Variants in DSCAML1 observed in about 807,000 individuals in gnomAD.
DSCAML1 encodes the protein DS cell adhesion molecule like 1.
DSCAML1 carries 38 observed loss-of-function variants against 200.5 expected under a neutral mutation model. That is an observed-to-expected ratio of 0.19 (90% CI 0.15 to 0.25). The LOEUF (loss-of-function observed/expected upper bound fraction) is 0.25. Among genes scored for constraint, DSCAML1 ranks in the 10% least tolerant of loss-of-function variants. The pLI is 1.00. For missense variants in DSCAML1, 2,223 were observed against 2,858.8 expected (o/e 0.78, Z 5.07); for synonymous variants, 1,215 against 1,165.0 (o/e 1.04, Z -0.87).
At chr11:117,526,214 C>T (rs1307024035) in intron 4 of DSCAML1, among the ~76,000 whole-genome samples, 1 of 152,142 alleles carries the variant, frequency 6.6e-6, no homozygotes, top group Admixed American at 6.5e-5. Context: ...GGATGCCCCT[C>T]ACCTACACAA....
Position 117,597,190 on chromosome 11 carries a change from A to G in DSCAML1, c.512-64668T>C, listed in dbSNP as rs2051377367. 2.0e-5 allele frequency among the ~76,000 whole-genome samples: 3 copies of G among 152,242 alleles called. No homozygotes were observed. In the South Asian group the frequency reaches 6.2e-4, roughly 32 times the overall value. ...ATTACAAATAACAAAATGTTATTAT[A>G]TGGAAATTAGTTTCCACACAACAGC... On this transcript the variant is annotated intron_variant, in intron 3 of 32. Transcript: ENST00000651296.
intron 3 of DSCAML1, among the ~76,000 whole-genome samples, chr11:117,718,296 C>T (rs890894094): frequency 6.6e-6 from 1 of 152,178 alleles, no homozygotes; most frequent in Non-Finnish European, 1.5e-5. Flanking sequence ...TGCTGGGAAC[C>T]GGCAGGGCTC....
At position 117,517,987 on chromosome 11, in the gene DSCAML1, G is replaced by T. The variant is rs1313373017; in HGVS notation, c.1510+479C>A. Among the ~76,000 whole-genome samples the T allele has an allele frequency of 2.0e-5, 3 of 152,348 alleles. No homozygotes were observed. The East Asian group carries it at 5.8e-4, about 29-fold the overall frequency. ...CTCCTGGTTGCTTATACCTCCTGGAGCATTTTGGGGGCTGGCTCAGTGGGA... is the reference window on the plus strand; with the variant it reads ...CTCCTGGTTGCTTATACCTCCTGGATCATTTTGGGGGCTGGCTCAGTGGGA... On this transcript the variant is annotated intron_variant, in intron 7 of 32. Transcript: ENST00000651296.
rs917972915 is a variant in DSCAML1, at chr11:117,480,241, A to G, written c.2785+202T>C. On this transcript the variant is annotated intron_variant, in intron 14 of 32. Coordinates refer to ENST00000651296, the MANE Select transcript of DSCAML1 (RefSeq NM_020693.4). The surrounding 1 kb of genome is among the most constrained non-coding windows in gnomAD (Gnocchi z 4.1). Reference sequence around the variant, plus strand: ...CACTACCCATCAACTGGGGGTCTCCATCTTCCACCCGGACTCCTAGCCCGG... The same window carrying G: ...CACTACCCATCAACTGGGGGTCTCCGTCTTCCACCCGGACTCCTAGCCCGG... Among the ~76,000 whole-genome samples, 5 of 152,194 alleles carry G rather than the reference A, an allele frequency of 3.3e-5. No individual in the cohort carries two copies. The highest frequency in any genetic ancestry group is 1.9e-4 in the East Asian group (1 of 5,180).
At chr11:117,596,376 A>G (rs2051361088) in intron 3 of DSCAML1, among the ~76,000 whole-genome samples, 1 of 138,590 alleles carries the variant, frequency 7.2e-6, no homozygotes, top group Admixed American at 7.2e-5. Flanking sequence ...AGAACATGCC[A>G]TTCTTCTCAG....
intron 3 of DSCAML1, among the ~76,000 whole-genome samples, chr11:117,683,026 C>A (rs1420991552): frequency 6.6e-6 from 1 of 152,234 alleles, no homozygotes; most frequent in African/African-American, 2.4e-5. Flanking sequence ...CCTTTCCTGG[C>A]CAGTTTCACT....
At chr11:117,551,953 C>G (rs767553932) in intron 3 of DSCAML1, among the ~76,000 whole-genome samples, 11 of 149,622 alleles carry the variant, frequency 7.4e-5, no homozygotes, top group Non-Finnish European at 1.6e-4. Flanking sequence ...ATCTCCGTGG[C>G]TAATCCTGTT....
intron 3 of DSCAML1, among the ~76,000 whole-genome samples, chr11:117,757,621 A>T (rs1340037678): frequency 1.5e-5 from 2 of 135,112 alleles, no homozygotes; most frequent in East Asian, 4.3e-4. Flanking sequence ...CACACACACA[A>T]TTATTTTTCC....
chr11:117,559,006 T>G (rs1425668618), intron 3 of DSCAML1, among the ~76,000 whole-genome samples: 1 of 152,142 alleles, frequency 6.6e-6, no homozygotes, highest in Non-Finnish European at 1.5e-5. Flanking sequence ...AACTTTTGGC[T>G]TTCTCCCTTT....
At chr11:117,817,486 C>T (rs974679778) in exon 1 of DSCAML1, 2 of 152,200 alleles carry the variant, frequency 1.3e-5, no homozygotes, top group Admixed American at 6.5e-5. Context: ...AGACTCACGG[C>T]AGCTGGGGTT....
At chr11:117,796,381 G>C (rs1170185665) in intron 1 of DSCAML1, among the ~76,000 whole-genome samples, 1 of 152,204 alleles carries the variant, frequency 6.6e-6, no homozygotes, top group Non-Finnish European at 1.5e-5. Flanking sequence ...CCAAGCCGGG[G>C]CTAAAGCCGG....
intron 27 of DSCAML1, 144 bp downstream of exon 27, chr11:117,435,500 A>C (rs2047896082): frequency 1.0e-6 from 1 of 965,112 alleles, no homozygotes; most frequent in Admixed American, 2.9e-5. Flanking sequence ...AGGAGGTTTC[A>C]GAAAGTCTGA....
Position 117,780,555 on chromosome 11 carries a change from T to C in DSCAML1, c.302A>G (p.Tyr101Cys). 6.5e-7 allele frequency: 1 copy of C among 1,539,130 alleles called. No homozygotes were observed. The highest frequency in any genetic ancestry group is 8.8e-7 in the Non-Finnish European group (1 of 1,139,468). ...GGCAGCGTTCTCCGCGGTGCAGAAGTAGTCATTGTCGTGGATAAAGCTATT... is the reference window on the plus strand; with the variant it reads ...GGCAGCGTTCTCCGCGGTGCAGAAGCAGTCATTGTCGTGGATAAAGCTATT... ...AFNSFIHDNDYFCTAENAAGK... is the reference protein window; with the variant it reads ...AFNSFIHDNDCFCTAENAAGK... Residue 101 changes from tyrosine (Y) to cysteine (C), a missense_variant, in exon 2 of 33, where the codon TAC becomes TGC. Coordinates refer to ENST00000651296, the MANE Select transcript of DSCAML1 (RefSeq NM_020693.4). The surrounding 1 kb of genome is among the most constrained non-coding windows in gnomAD (Gnocchi z 4.8).
At chr11:117,606,367 G>A (rs373938872) in intron 3 of DSCAML1, among the ~76,000 whole-genome samples, 9 of 152,164 alleles carry the variant, frequency 5.9e-5, no homozygotes, top group Non-Finnish European at 2.9e-5. Context: ...AAACTCCCCC[G>A]CTGTGAGAGT....
Position 117,505,870 on chromosome 11 carries a change from C to T in DSCAML1, c.1784-138G>A. ...CCTGGGGCACTGCAGCCTTGTTCTC[C>T]TATGCATGCAGGGTCTCCTAATGAT... On this transcript the variant is annotated intron_variant, in intron 8 of 32. Transcript: ENST00000651296. This position sits in a 1 kb window ranked among gnomAD's most constrained non-coding sequence, Gnocchi z 6.7. 2 of 1,060,606 alleles carry T rather than the reference C, an allele frequency of 1.9e-6. No homozygotes were observed. Among genetic ancestry groups the T allele is most frequent in the Non-Finnish European group, 2.7e-6 (2 of 751,430 alleles). The allele number at this position is 1,060,606 out of a possible 1,614,324, so 65.7% of individuals were successfully genotyped here.
At chr11:117,730,167 C>T (rs974267054) in intron 3 of DSCAML1, among the ~76,000 whole-genome samples, 1 of 152,102 alleles carries the variant, frequency 6.6e-6, no homozygotes, top group African/African-American at 2.4e-5. Flanking sequence ...CCACCGCACT[C>T]CAGCCTGGCG....
intron 3 of DSCAML1, among the ~76,000 whole-genome samples, chr11:117,584,211 C>G (rs536725768): frequency 6.6e-6 from 1 of 152,342 alleles, no homozygotes; most frequent in South Asian, 2.1e-4. Flanking sequence ...ACTTTGGGCT[C>G]TAGCCCCAAG....
intron 1 of DSCAML1, among the ~76,000 whole-genome samples, chr11:117,816,808 G>GGGGGGGGGGGC (rs1555038478): frequency 7.8e-6 from 1 of 128,110 alleles, no homozygotes; most frequent in African/African-American, 2.6e-5. Context: ...TGGGGGGGTG[G>GGGGGGGGGGGC]GGTGGAGATT....
intron 1 of DSCAML1, among the ~76,000 whole-genome samples, chr11:117,781,289 T>A (rs2055256372): frequency 1.9e-5 from 2 of 106,264 alleles, no homozygotes; most frequent in South Asian, 2.7e-4. Flanking sequence ...AGACTCTGTC[T>A]CGAAAAAAAA....
Sources: allele counts gnomAD v4.1 joint callset (sites outside exome capture counted in the v4.1 genomes callset), GRCh38; gene constraint gnomAD v4.1.1; non-coding constraint Gnocchi (gnomAD v3.1); transcripts MANE v1.5; gene names NCBI Gene and HGNC (gene_info 2026-07-23, HGNC 2026-07-21).